DOCK8: variants seen among roughly 807,000 people sequenced by gnomAD.
DOCK8 encodes the protein dedicator of cytokinesis protein 8.
A neutral mutation model predicts 245.6 loss-of-function variants in DOCK8; 141 were observed. The observed-to-expected ratio is 0.57, with a 90% CI of 0.50 to 0.66. The LOEUF (loss-of-function observed/expected upper bound fraction) is 0.66, where lower values mean the gene tolerates loss of function less well. Ranked by LOEUF, DOCK8 falls within the 30% of genes least tolerant of loss-of-function variation. The pLI is 0.00. For synonymous variants in DOCK8, 1,168 were observed against 970.2 expected (o/e 1.20, Z -3.79); for missense variants, 2,965 against 2,603.4 (o/e 1.14, Z -3.02).
intron 45 of DOCK8, among the ~76,000 whole-genome samples, chr9:450,355 G>A (rs920771704): frequency 4.6e-5 from 7 of 152,190 alleles, no homozygotes; most frequent in African/African-American, 1.7e-4. Context: ...TCTTGGCTCA[G>A]TCAGCAGATG....
At chr9:326,184 A>T (rs10970457) in intron 8 of DOCK8, among the ~76,000 whole-genome samples, 5,136 of 152,298 alleles carry the variant, frequency 0.034, 126 homozygotes, top group Admixed American at 0.062. Flanking sequence ...GCTTTTAATG[A>T]AAACAGTGAC....
intron 24 of DOCK8, among the ~76,000 whole-genome samples, chr9:392,042 G>T (rs993777606): frequency 6.6e-6 from 1 of 151,550 alleles, no homozygotes; most frequent in Admixed American, 6.6e-5. Context: ...GGAGGCTGAG[G>T]CAGGAGAATT....
At chr9:464,024 T>C in intron 47 of DOCK8, 135 bp from the exon 48 acceptor site, 1 of 826,956 alleles carries the variant, frequency 1.2e-6, no homozygotes, top group Admixed American at 1.8e-5. Context: ...TCACTTATTA[T>C]TTGCTGAGTT....
chr9:277,651 G>A (rs1483278308), intron 2 of DOCK8, among the ~76,000 whole-genome samples: 1 of 151,954 alleles, frequency 6.6e-6, no homozygotes, highest in Admixed American at 6.6e-5. Context: ...ATAACCTTAA[G>A]CTACATATTT....
At position 396,778 on chromosome 9, in the gene DOCK8, T is replaced by G; in HGVS notation, c.2971-7T>G. 1 of 1,614,002 alleles carries G rather than the reference T, an allele frequency of 6.2e-7. No homozygotes were observed. The highest frequency in any genetic ancestry group is 8.5e-7 in the Non-Finnish European group (1 of 1,179,976). On this transcript the variant is annotated splice_region_variant and splice_polypyrimidine_tract_variant and intron_variant, in intron 24 of 47. Coordinates refer to ENST00000432829, the MANE Select transcript of DOCK8 (RefSeq NM_203447.4). ...CATGTTGACATTTCCTCCATCCCCC[T>G]CCGCAGGTGAAAAGCATGGCCCAGC...
At chr9:299,821 A>G (rs991840540) in intron 4 of DOCK8, among the ~76,000 whole-genome samples, 1 of 151,750 alleles carries the variant, frequency 6.6e-6, no homozygotes, top group Non-Finnish European at 1.5e-5. Context: ...GGAGATCGAG[A>G]CCATCCTGGC....
At chr9:450,812 T>C (rs1309294949) in intron 45 of DOCK8, among the ~76,000 whole-genome samples, 2 of 151,642 alleles carry the variant, frequency 1.3e-5, no homozygotes, top group Non-Finnish European at 2.9e-5. Flanking sequence ...CCATGGTCTA[T>C]CTGTACACGA....
In DOCK8 at chr9:340,242, C is replaced by G; in HGVS notation, c.1600C>G (p.Pro534Ala). ...TGAAATGCTGCCCGTGAAACCCTTT[C>G]CTGAAAACCGGACACGCCCGCACAA... ...TPEMLPVKPFPENRTRPHKEI... is the reference protein window; with the variant it reads ...TPEMLPVKPFAENRTRPHKEI... The change falls in exon 14 of 48, where the codon CCT becomes GCT. Residue 534 changes from proline to alanine, a missense_variant. Physicochemically the swap from Pro to Ala is conservative, Grantham distance 27 (BLOSUM62 -1). This residue lies in a region of DOCK8 where 2,825 missense variants were observed against 2,453.5 expected (regional missense o/e 1.15). Transcript: ENST00000432829. 6.2e-7 allele frequency: 1 copy of G among 1,614,172 alleles called. No homozygotes were observed. Among genetic ancestry groups the G allele is most frequent in the Admixed American group, 1.7e-5 (1 of 60,022 alleles).
At chr9:445,371 T>C (rs551336581) in intron 43 of DOCK8, among the ~76,000 whole-genome samples, 1 of 152,342 alleles carries the variant, frequency 6.6e-6, no homozygotes, top group African/African-American at 2.4e-5. Flanking sequence ...CACTCATCCC[T>C]TTCAGTGGGT....
At chr9:455,851 A>C (rs994554790) in intron 46 of DOCK8, among the ~76,000 whole-genome samples, 1 of 98,942 alleles carries the variant, frequency 1.0e-5, no homozygotes, top group East Asian at 6.9e-4. Context: ...ATGTGAGAAC[A>C]AAAAAAAAAG....
chr9:442,167 G>A (rs1434407762), intron 42 of DOCK8, among the ~76,000 whole-genome samples, 158 bp downstream of exon 42: 1 of 152,192 alleles, frequency 6.6e-6, no homozygotes, highest in Non-Finnish European at 1.5e-5. Context: ...AAGTAGAAAG[G>A]TATTAGGTGA....
chr9:443,328 C>A, intron 42 of DOCK8, 99 bp from the exon 43 acceptor site: 1 of 1,119,666 alleles, frequency 8.9e-7, no homozygotes, highest in Non-Finnish European at 1.4e-6. Context: ...GAACATCATT[C>A]TACCTTGCAC....
At chr9:233,987 A>C (rs2047185532) in intron 1 of DOCK8, among the ~76,000 whole-genome samples, 1 of 152,106 alleles carries the variant, frequency 6.6e-6, no homozygotes, top group African/African-American at 2.4e-5. Context: ...GTTTCTTCCT[A>C]GCTTGGATGG....
rs1564016285 is a variant in DOCK8, at chr9:400,909, CAG to C, written c.3234+1651_3234+1652del. On this transcript the variant is annotated intron_variant, in intron 26 of 47. Transcript: ENST00000432829. ...CCACCACCACCTCCCCCACTACCAA[CAG>C]CTCCTTCACCATCACCACAACATCC... Among the ~76,000 whole-genome samples the C allele has an allele frequency of 2.5e-5, 3 of 120,374 alleles. 1 individual carries two copies. Among genetic ancestry groups the C allele is most frequent in the East Asian group, 3.1e-4 (1 of 3,258 alleles). The allele number at this position is 120,374 out of a possible 152,430, so 79.0% of individuals were successfully genotyped here.
intron 24 of DOCK8, among the ~76,000 whole-genome samples, chr9:392,322 T>A (rs113941929): frequency 3.4e-4 from 52 of 152,050 alleles, no homozygotes; most frequent in Non-Finnish European, 7.2e-4. Flanking sequence ...CAATGTGGAA[T>A]AGAGTTCAGA....
intron 1 of DOCK8, among the ~76,000 whole-genome samples, chr9:231,246 G>A (rs2047110018): frequency 6.6e-6 from 1 of 152,142 alleles, no homozygotes; most frequent in African/African-American, 2.4e-5. Flanking sequence ...GCTCTGTTCT[G>A]TTCCATTGGT....
intron 25 of DOCK8, among the ~76,000 whole-genome samples, chr9:397,463 C>A (rs2054517671): frequency 6.6e-6 from 1 of 151,120 alleles, no homozygotes; most frequent in South Asian, 2.1e-4. Context: ...CAAGGGTGGT[C>A]AGATCACTTG....
intron 1 of DOCK8, among the ~76,000 whole-genome samples, chr9:237,620 A>T (rs138782644): frequency 3.0e-4 from 46 of 152,280 alleles, no homozygotes; most frequent in African/African-American, 1.0e-3. Context: ...GTACCACTGC[A>T]CTCCAGTCTG....
At chr9:393,631 C>G (rs1214792192) in intron 24 of DOCK8, among the ~76,000 whole-genome samples, 2 of 152,162 alleles carry the variant, frequency 1.3e-5, no homozygotes, top group African/African-American at 2.4e-5. Context: ...AAAGCATAAG[C>G]TAAAGCACAT....
Sources: allele counts gnomAD v4.1 joint callset (sites outside exome capture counted in the v4.1 genomes callset), GRCh38; gene constraint gnomAD v4.1.1; regional missense constraint gnomAD v4.1.1; transcripts MANE v1.5; gene names NCBI Gene and HGNC (gene_info 2026-07-23, HGNC 2026-07-21).